SLC3A1: variants seen among roughly 807,000 people sequenced by gnomAD.
SLC3A1 encodes the protein solute carrier family 3 member 1.
SLC3A1 carries 78 observed loss-of-function variants against 60.3 expected under a neutral mutation model. The observed-to-expected ratio is 1.29, with a 90% CI of 1.08 to 1.56. The LOEUF (loss-of-function observed/expected upper bound fraction) is 1.56, where lower values mean the gene tolerates loss of function less well. SLC3A1 is among the 40% of genes most tolerant of loss of function. SLC3A1 has a pLI of 0.00. For synonymous variants in SLC3A1, 392 were observed against 307.9 expected (o/e 1.27, Z -2.86); for missense variants, 1,172 against 858.9 (o/e 1.36, Z -4.56).
chr2:44,285,729 A>C (rs1006277373), intron 3 of SLC3A1: 4 of 556,346 alleles, frequency 7.2e-6, no homozygotes, highest in Non-Finnish European at 1.4e-5. Flanking sequence ...AGATTCAAGA[A>C]AATACATTAG....
intron 9 of SLC3A1, 56 bp from the exon 10 acceptor site, chr2:44,320,143 C>A (rs1672799941): frequency 3.4e-6 from 5 of 1,450,000 alleles, no homozygotes; most frequent in Non-Finnish European, 3.8e-6. Context: ...ATTAAAAATA[C>A]TTACAAACAA....
intron 3 of SLC3A1, among the ~76,000 whole-genome samples, chr2:44,284,167 C>T (rs894976942): frequency 3.3e-5 from 5 of 152,112 alleles, no homozygotes; most frequent in Non-Finnish European, 5.9e-5. Flanking sequence ...GCAACCTCTG[C>T]CTCCTCAGTT....
chr2:44,308,024 C>T (rs898174054), intron 7 of SLC3A1, among the ~76,000 whole-genome samples: 2 of 152,102 alleles, frequency 1.3e-5, no homozygotes, highest in African/African-American at 4.8e-5. Context: ...TCTGAAATCC[C>T]AGCACTTTGG....
intron 4 of SLC3A1, among the ~76,000 whole-genome samples, chr2:44,286,912 T>TA (rs1671630443): frequency 2.0e-5 from 3 of 152,310 alleles, no homozygotes; most frequent in Middle Eastern, 6.8e-3. Context: ...CTCCTGCATC[T>TA]AAAATGGGCT....
Position 44,312,690 on chromosome 2 carries a change from C to T in SLC3A1, c.1437C>T (p.Tyr479=), listed in dbSNP as rs200007474. The part of the protein sequence containing the change: ...LFTLPGTPIT[Y]YGEEIGMGNI... ...CACTCCCTGGAACTCCTATAACTTA[C>T]TATGGAGAAGAAATTGGAATGGGAA... The change falls in exon 8 of 10, where the codon TAC becomes TAT. Residue 479 remains tyrosine, a synonymous_variant. Transcript: ENST00000260649. 6.2e-6 allele frequency: 10 copies of T among 1,613,160 alleles called. No homozygotes were observed. The highest frequency in any genetic ancestry group is 1.7e-4 in the Middle Eastern group (1 of 6,058).
chr2:44,312,617 C>T lies in SLC3A1; in HGVS notation c.1364C>T (p.Ser455Leu), dbSNP rs949704245. ...IGGPDSSRLT[S>L]RLGNQYVNVM... ...GGACCAGACAGTTCACGGCTGACTTCGCGTTTGGGGAATCAGTATGTCAAC... is the reference window on the plus strand; with the variant it reads ...GGACCAGACAGTTCACGGCTGACTTTGCGTTTGGGGAATCAGTATGTCAAC... Residue 455 changes from serine to leucine, a missense_variant, in exon 8 of 10, where the codon TCG (serine) becomes TTG (leucine). Physicochemically the swap from Ser to Leu is moderately radical, Grantham distance 145. Coordinates refer to ENST00000260649, the MANE Select transcript of SLC3A1 (RefSeq NM_000341.4). 20 of 1,613,792 alleles carry T rather than the reference C, an allele frequency of 1.2e-5. No individual in the cohort carries two copies. The highest frequency in any genetic ancestry group is 4.0e-5 in the African/African-American group (3 of 74,876).
intron 3 of SLC3A1, chr2:44,285,037 C>CT (rs1307848367): frequency 2.0e-5 from 3 of 152,210 alleles, no homozygotes; most frequent in Admixed American, 2.0e-4. Flanking sequence ...TTTATGGTTT[C>CT]TTTCCCCTAC....
Position 44,284,012 on chromosome 2 carries a change from GT to G in SLC3A1, c.766-2012del, listed in dbSNP as rs200523451. Among the ~76,000 whole-genome samples, 318 of 151,836 alleles carry G rather than the reference GT, an allele frequency of 2.1e-3. No individual in the cohort carries two copies. In the Middle Eastern group the frequency reaches 0.027, roughly 13 times the overall value. Reference sequence around the variant, plus strand: ...GTTGATGGGAAGTTGGGCTACTTCCGTTTTTTTTATTATGAACAATGTTACT... The same window carrying G: ...GTTGATGGGAAGTTGGGCTACTTCCGTTTTTTTATTATGAACAATGTTACT... On this transcript the variant is annotated intron_variant, in intron 3 of 9. Coordinates refer to ENST00000260649, the MANE Select transcript of SLC3A1 (RefSeq NM_000341.4).
At chr2:44,285,972 T>A in intron 3 of SLC3A1, 60 bp from the exon 4 acceptor site, 3 of 1,600,892 alleles carry the variant, frequency 1.9e-6, no homozygotes, top group South Asian at 2.2e-5. Context: ...AGGGCAATGA[T>A]CTTTATTTGT....
Position 44,313,739 on chromosome 2 carries a change from T to C in SLC3A1, c.1501-96T>C, listed in dbSNP as rs1672354894. The C allele has an allele frequency of 3.0e-6, 3 of 1,016,880 alleles. No homozygotes were observed. The Admixed American group carries it at 5.1e-5, about 17-fold the overall frequency. The allele number at this position is 1,016,880 out of a possible 1,614,324, so 63.0% of individuals were successfully genotyped here. A position where few individuals can be genotyped will look rare whatever the true frequency, so the allele number is the denominator to read the frequency against. ...ATGAGTACAAACACTAGCTAAGAAC[T>C]ATGGGGAATTAAATAATTATGAAGT... On this transcript the variant is annotated intron_variant, in intron 8 of 9. Coordinates refer to ENST00000260649, the MANE Select transcript of SLC3A1 (RefSeq NM_000341.4).
At chr2:44,304,477 G>A in intron 7 of SLC3A1, 139 bp downstream of exon 7, 3 of 721,916 alleles carry the variant, frequency 4.2e-6, no homozygotes, top group Non-Finnish European at 7.4e-6. Flanking sequence ...GGTCAGGCCT[G>A]TCACAGCCTC....
At chr2:44,298,638 A>T (rs1671917638) in intron 4 of SLC3A1, among the ~76,000 whole-genome samples, 1 of 152,096 alleles carries the variant, frequency 6.6e-6, no homozygotes, top group African/African-American at 2.4e-5. Flanking sequence ...TCGGCCTCCC[A>T]AAGTGCTGGG....
chr2:44,321,769 G>A (rs2103665893), downstream of SLC3A1: 2 of 1,613,500 alleles, frequency 1.2e-6, no homozygotes, highest in East Asian at 4.5e-5. Context: ...CTGAAAATGT[G>A]AAAACAACAT....
intron 7 of SLC3A1, among the ~76,000 whole-genome samples, chr2:44,307,150 G>A (rs1055806229): frequency 6.6e-6 from 1 of 152,076 alleles, no homozygotes; most frequent in African/African-American, 2.4e-5. Flanking sequence ...TGTTTTCAAG[G>A]TTTATCCATG....
At chr2:44,312,326 G>T (rs34968432) in intron 7 of SLC3A1, among the ~76,000 whole-genome samples, 91 of 152,214 alleles carry the variant, frequency 6.0e-4, no homozygotes, top group Non-Finnish European at 1.1e-3. Flanking sequence ...GAGAAAATAT[G>T]ACTATGTACC....
chr2:44,296,665 T>C (rs1167063689), intron 4 of SLC3A1, among the ~76,000 whole-genome samples: 1 of 152,200 alleles, frequency 6.6e-6, no homozygotes, highest in Non-Finnish European at 1.5e-5. Flanking sequence ...GTTGAGACCC[T>C]TGACTTGACT....
intron 9 of SLC3A1, chr2:44,318,921 T>G (rs957871809): frequency 1.3e-5 from 2 of 152,016 alleles, no homozygotes; most frequent in East Asian, 3.9e-4. Context: ...AAATGCAAAA[T>G]CAACAAATCT....
intron 6 of SLC3A1, chr2:44,303,905 T>C (rs1177620606): frequency 1.6e-6 from 1 of 615,280 alleles, no homozygotes; most frequent in Non-Finnish European, 2.9e-6. Context: ...GCAAAGGACA[T>C]GGACTCATCC....
intron 4 of SLC3A1, among the ~76,000 whole-genome samples, chr2:44,295,182 T>A (rs1429846579): frequency 1.3e-5 from 2 of 152,216 alleles, no homozygotes; most frequent in Non-Finnish European, 1.5e-5. Flanking sequence ...TATTTGGATA[T>A]GTTAACTTGC....
Sources: allele counts gnomAD v4.1 joint callset (sites outside exome capture counted in the v4.1 genomes callset), GRCh38; gene constraint gnomAD v4.1.1; transcripts MANE v1.5; gene names NCBI Gene and HGNC (gene_info 2026-07-23, HGNC 2026-07-21).